The following TMCO4 variants were observed in gnomAD, a reference collection of about 807,000 sequenced individuals.
TMCO4 encodes transmembrane and coiled-coil domains 4.
A neutral mutation model predicts 64.7 loss-of-function variants in TMCO4; 58 were observed. That is an observed-to-expected ratio of 0.90 (90% CI 0.73 to 1.12). The LOEUF (loss-of-function observed/expected upper bound fraction) is 1.12, where lower values mean the gene tolerates loss of function less well. Ranked by LOEUF, TMCO4 falls within the 50% of genes most tolerant of loss-of-function variation. The pLI is 0.00. For missense variants in TMCO4, 780 were observed against 825.9 expected, an observed-to-expected ratio of 0.94 and a Z score of 0.68; for synonymous variants, 325 against 346.1, an observed-to-expected ratio of 0.94 and a Z score of 0.68.
intron 13 of TMCO4, among the ~76,000 whole-genome samples, chr1:19,704,512 A>G (rs1471203787): frequency 2.0e-5 from 3 of 152,222 alleles, no homozygotes; most frequent in Non-Finnish European, 4.4e-5. Context: ...GCTGTCTGCA[A>G]TAACAACGTG....
At chr1:19,764,827 AGT>A (rs2042660335) in intron 6 of TMCO4, among the ~76,000 whole-genome samples, 1 of 133,682 alleles carries the variant, frequency 7.5e-6, no homozygotes, top group Non-Finnish European at 1.6e-5. Context: ...TGCACTCAAG[AGT>A]GAAACTCTGT....
intron 15 of TMCO4, among the ~76,000 whole-genome samples, chr1:19,691,584 T>C (rs11582254): frequency 0.8 from 122,230 of 152,168 alleles, 49,345 homozygotes; most frequent in African/African-American, 0.85. Context: ...CTAGCTTCAT[T>C]GGCCATTGAG....
At chr1:19,694,299 G>T in intron 15 of TMCO4, 135 bp downstream of exon 15, 1 of 721,284 alleles carries the variant, frequency 1.4e-6, no homozygotes, top group Non-Finnish European at 2.3e-6. Flanking sequence ...ACTGCACCTG[G>T]CTCCAAATAA....
In TMCO4 at chr1:19,714,171, A is replaced by C. The variant is rs566325365; in HGVS notation, c.1265-13286T>G. Among the ~76,000 whole-genome samples, 551 of 152,306 alleles carry C rather than the reference A, an allele frequency of 3.6e-3. 7 individuals are homozygous for C. The highest frequency in any genetic ancestry group is 5.3e-3 in the Non-Finnish European group (363 of 68,032). On this transcript the variant is annotated intron_variant, in intron 13 of 15. Transcript: ENST00000294543. ...AGCGTGGTCTCAAACTCCTGGCCTC[A>C]ACTGATCCACCCACCTTGGCCTCCC...
At chr1:19,767,719 A>C (rs1049507155) in intron 6 of TMCO4, among the ~76,000 whole-genome samples, 2 of 151,862 alleles carry the variant, frequency 1.3e-5, no homozygotes, top group Non-Finnish European at 2.9e-5. Context: ...ACTGCTTCTG[A>C]CTCCCAGTCT....
intron 14 of TMCO4, among the ~76,000 whole-genome samples, chr1:19,697,920 C>T (rs567089542): frequency 1.8e-4 from 28 of 152,138 alleles, no homozygotes; most frequent in African/African-American, 6.5e-4. Context: ...GTCCTCCATC[C>T]GAAATGATTA....
chr1:19,693,164 CAAAAAAAAAAAAAA>C lies in TMCO4; in HGVS notation c.1500+1256_1500+1269del, dbSNP rs57031243. Among the ~76,000 whole-genome samples the C allele has an allele frequency of 7.5e-4, 15 of 19,980 alleles. No individual in the cohort carries two copies. In the East Asian group the frequency reaches 7.9e-3, roughly 11 times the overall value. 13.1% of individuals were successfully genotyped at this position (19,980 alleles called of 152,430 possible). On this transcript the variant is annotated intron_variant, in intron 15 of 15. Coordinates refer to ENST00000294543, the MANE Select transcript of TMCO4 (RefSeq NM_181719.7). ...CTCCAGCCTGAGCGAGACCCCATCT[CAAAAAAAAAAAAAA>C]AAAAAAAAAAAAAAAAAAAAAAGGC...
At position 19,788,311 on chromosome 1, in the gene TMCO4, A is replaced by T. The variant is rs368947989; in HGVS notation, c.-100-1194T>A. On this transcript the variant is annotated intron_variant, in intron 2 of 15. Coordinates refer to ENST00000294543, the MANE Select transcript of TMCO4 (RefSeq NM_181719.7). ...TATCTCTGAATTGCCATTTACAGAT[A>T]TCAGAGACTTTTCTGTATTTCCCCC... Among the ~76,000 whole-genome samples the T allele has an allele frequency of 2.6e-5, 4 of 152,350 alleles. No individual in the cohort carries two copies. In the East Asian group the frequency reaches 5.8e-4, roughly 22 times the overall value.
chr1:19,716,534 TTTTTG>T (rs1461042664), intron 13 of TMCO4, among the ~76,000 whole-genome samples: 1 of 151,612 alleles, frequency 6.6e-6, no homozygotes, highest in African/African-American at 2.4e-5. Flanking sequence ...TTGGCCAATT[TTTTTG>T]TTTTGTTTTG....
chr1:19,703,156 GTCTGTC>G (rs1483292390), intron 13 of TMCO4, among the ~76,000 whole-genome samples: 2 of 152,198 alleles, frequency 1.3e-5, no homozygotes, highest in African/African-American at 4.8e-5. Flanking sequence ...GTAAATAAAT[GTCTGTC>G]TCTATCAGGA....
At position 19,717,796 on chromosome 1, in the gene TMCO4, G is replaced by A. The variant is rs79302572; in HGVS notation, c.1265-16911C>T. ...GAACTGCTGCAGCCCTTAAAGTCTA[G>A]GCCCTTGAGATGCAGCATTTGGTTC... On this transcript the variant is annotated intron_variant, in intron 13 of 15. Coordinates refer to ENST00000294543, the MANE Select transcript of TMCO4 (RefSeq NM_181719.7). Among the ~76,000 whole-genome samples the A allele has an allele frequency of 2.6e-3, 389 of 152,246 alleles. 1 individual carries two copies. Among genetic ancestry groups the A allele is most frequent in the African/African-American group, 8.9e-3 (368 of 41,550 alleles).
chr1:19,768,238 G>A lies in TMCO4; in HGVS notation c.382+2304C>T, dbSNP rs146165779. Among the ~76,000 whole-genome samples the A allele has an allele frequency of 3.6e-3, 550 of 152,286 alleles. 8 individuals carry two copies. The highest frequency in any genetic ancestry group is 0.015 in the South Asian group (73 of 4,824). On this transcript the variant is annotated intron_variant, in intron 6 of 15. Transcript: ENST00000294543. ...ACAAGCCCTTAGCGCCATGCCTGCC[G>A]CGCAGCTAGGACTTGGCACATGGCG...
chr1:19,792,765 A>ATTTTTT lies in TMCO4; in HGVS notation c.-101+5366_-101+5371dup, dbSNP rs71579823. Among the ~76,000 whole-genome samples, 594 of 89,646 alleles carry ATTTTTT rather than the reference A, an allele frequency of 6.6e-3. 34 individuals are homozygous for ATTTTTT. The highest frequency in any genetic ancestry group is 0.013 in the South Asian group (29 of 2,184). The allele number at this position is 89,646 out of a possible 152,430, so 58.8% of individuals were successfully genotyped here. On this transcript the variant is annotated intron_variant, in intron 2 of 15. Coordinates refer to ENST00000294543, the MANE Select transcript of TMCO4 (RefSeq NM_181719.7). ...GAGCAGTCAGTGAAGGTCAAGGTCAATTTTTTTTTTTTTTTTTTTTTTTCA... is the reference window on the plus strand; with the variant it reads ...GAGCAGTCAGTGAAGGTCAAGGTCAATTTTTTTTTTTTTTTTTTTTTTTTTTTTTCA...
intron 6 of TMCO4, among the ~76,000 whole-genome samples, chr1:19,762,993 G>A (rs2042570033): frequency 6.6e-6 from 1 of 152,198 alleles, no homozygotes; most frequent in Non-Finnish European, 1.5e-5. Context: ...GTTCCTACTA[G>A]CTGAATGGGT....
At chr1:19,770,450 C>A (rs1456212637) in intron 6 of TMCO4, 92 bp downstream of exon 6, 1 of 1,459,790 alleles carries the variant, frequency 6.9e-7, no homozygotes, top group East Asian at 2.3e-5. Context: ...CACGGGGGAC[C>A]CGGCCCCAGG....
chr1:19,683,697 C>T (rs2095122510), intron 15 of TMCO4, among the ~76,000 whole-genome samples: 1 of 148,326 alleles, frequency 6.7e-6, no homozygotes, highest in African/African-American at 2.5e-5. Context: ...CCTTTTGGGG[C>T]AGGAAGGAAT....
At chr1:19,762,359 C>T (rs1054182327) in intron 6 of TMCO4, among the ~76,000 whole-genome samples, 4 of 152,220 alleles carry the variant, frequency 2.6e-5, no homozygotes, top group South Asian at 2.1e-4. Flanking sequence ...GGAGGGTGAC[C>T]GAGGGATCTC....
At position 19,739,826 on chromosome 1, in the gene TMCO4, G is replaced by A. The variant is rs2095470846; in HGVS notation, c.1177C>T (p.Gln393Ter). 1 of 1,612,770 alleles carries A rather than the reference G, an allele frequency of 6.2e-7. No homozygotes were observed. The highest frequency in any genetic ancestry group is 8.5e-7 in the Non-Finnish European group (1 of 1,179,556). Residue 393 changes from glutamine to a stop codon, truncating the protein, a stop_gained and splice_region_variant, in exon 12 of 16, where the codon CAG (glutamine) becomes TAG (stop). Transcript: ENST00000294543. LOFTEE classifies it high-confidence loss of function. ...CCCACACAGCCATTCCCAGGTACCT[G>A]CTGCCGGGAGAGCAGGATGTGGGCC... Reference protein sequence around the residue: ...HLAHILLSRQQGRRPVTLIGF... With the variant: ...HLAHILLSRQ
intron 4 of TMCO4, among the ~76,000 whole-genome samples, chr1:19,772,370 G>A (rs1303461453): frequency 1.4e-5 from 2 of 147,586 alleles, no homozygotes; most frequent in African/African-American, 2.7e-5. Context: ...TGCCCTCCAC[G>A]TGCACTGCCA....
Sources: gnomAD v4.1 joint callset for allele counts (sites outside exome capture counted in the v4.1 genomes callset) on GRCh38, gnomAD v4.1.1 for gene constraint, MANE v1.5 for transcripts, NCBI Gene and HGNC (gene_info 2026-07-23, HGNC 2026-07-21) for gene names.